ANO10: variants seen among roughly 807,000 people sequenced by gnomAD.
ANO10 encodes anoctamin 10.
A neutral mutation model predicts 74.7 loss-of-function variants in ANO10; 77 were observed. The observed-to-expected ratio is 1.03, with a 90% CI of 0.86 to 1.25. The LOEUF is 1.25. Among genes scored for constraint, ANO10 ranks in the 50% most tolerant of loss-of-function variants. The pLI, the probability that ANO10 is intolerant of heterozygous loss-of-function variation, is 0.00. For synonymous variants in ANO10, 279 were observed against 284.9 expected, an observed-to-expected ratio of 0.98 and a Z score of 0.21; for missense variants, 721 against 778.1, an observed-to-expected ratio of 0.93 and a Z score of 0.87.
At chr3:43,457,952 T>C (rs2075209957) in intron 11 of ANO10, among the ~76,000 whole-genome samples, 1 of 150,662 alleles carries the variant, frequency 6.6e-6, no homozygotes, top group Non-Finnish European at 1.5e-5. Context: ...CCCCCTACCC[T>C]GTTCCTATTC....
intron 1 of ANO10, among the ~76,000 whole-genome samples, chr3:43,663,209 T>C (rs1303630977): frequency 3.3e-5 from 5 of 152,316 alleles, no homozygotes; most frequent in Non-Finnish European, 7.3e-5. Flanking sequence ...CAAGTGGGCT[T>C]CATCCCTGGG....
chr3:43,503,880 A>AT (rs1160013404), intron 11 of ANO10, among the ~76,000 whole-genome samples: 33 of 150,534 alleles, frequency 2.2e-4, no homozygotes, highest in Admixed American at 4.0e-4. Flanking sequence ...CTGAGAGAGG[A>AT]TTTTTTTTTT....
chr3:43,396,063 AATTT>A (rs1012753428), intron 12 of ANO10, among the ~76,000 whole-genome samples: 3 of 151,082 alleles, frequency 2.0e-5, no homozygotes, highest in South Asian at 2.1e-4. Context: ...GCCTTTTATT[AATTT>A]ATTTATTTAT....
intron 12 of ANO10, among the ~76,000 whole-genome samples, chr3:43,399,916 A>C (rs964340039): frequency 6.6e-6 from 1 of 151,794 alleles, no homozygotes; most frequent in Non-Finnish European, 1.5e-5. Context: ...AATTTTCCTC[A>C]TTTTGGGGAA....
chr3:43,667,655 A>G (rs2084008174), intron 1 of ANO10, among the ~76,000 whole-genome samples: 2 of 152,084 alleles, frequency 1.3e-5, no homozygotes, highest in African/African-American at 4.8e-5. Context: ...TTGCATCCTC[A>G]TAGCTTAGCT....
intron 11 of ANO10, among the ~76,000 whole-genome samples, chr3:43,504,563 T>TAA (rs139835846): frequency 2.0e-5 from 3 of 151,788 alleles, no homozygotes; most frequent in Non-Finnish European, 2.9e-5. Flanking sequence ...TTACTGTTCA[T>TAA]AAAAAAAACA....
chr3:43,423,271 G>C (rs2092847467), intron 12 of ANO10, among the ~76,000 whole-genome samples: 1 of 152,122 alleles, frequency 6.6e-6, no homozygotes, highest in Non-Finnish European at 1.5e-5. Flanking sequence ...TCTATTTTAA[G>C]ACTCTTTTTT....
At chr3:43,561,966 C>T (rs1021155378) in intron 8 of ANO10, among the ~76,000 whole-genome samples, 10 of 152,060 alleles carry the variant, frequency 6.6e-5, no homozygotes, top group African/African-American at 2.4e-4. Flanking sequence ...TGGCTAAATT[C>T]TTTTTTAAAG....
chr3:43,444,524 C>T (rs1403333932), intron 11 of ANO10, among the ~76,000 whole-genome samples: 1 of 152,182 alleles, frequency 6.6e-6, no homozygotes, highest in East Asian at 1.9e-4. Flanking sequence ...AAAGTGATAT[C>T]TTAAGATTAT....
chr3:43,381,345 C>A (rs1325634877), intron 12 of ANO10, among the ~76,000 whole-genome samples: 1 of 152,112 alleles, frequency 6.6e-6, no homozygotes, highest in Admixed American at 6.5e-5. Context: ...TAAGAACTCA[C>A]ATAAACTTAA....
chr3:43,559,095 T>TA (rs1373220338), intron 9 of ANO10, among the ~76,000 whole-genome samples: 2 of 152,216 alleles, frequency 1.3e-5, no homozygotes, highest in Non-Finnish European at 2.9e-5. Context: ...ATTAATGACA[T>TA]AGAGCTTCAT....
chr3:43,404,354 A>G (rs1268842411), intron 12 of ANO10, among the ~76,000 whole-genome samples: 1 of 152,170 alleles, frequency 6.6e-6, no homozygotes, highest in Non-Finnish European at 1.5e-5. Flanking sequence ...TTAAGGCCAC[A>G]AGGAGATGAA....
intron 5 of ANO10, among the ~76,000 whole-genome samples, chr3:43,578,521 G>A (rs1205163551): frequency 7.2e-5 from 11 of 152,064 alleles, no homozygotes; most frequent in African/African-American, 1.9e-4. Flanking sequence ...AGGCCAAGGC[G>A]GGCGAATCAC....
At chr3:43,441,773 C>T (rs1043745215) in intron 11 of ANO10, among the ~76,000 whole-genome samples, 1 of 151,788 alleles carries the variant, frequency 6.6e-6, no homozygotes, top group Non-Finnish European at 1.5e-5. Flanking sequence ...ACTAGCAAAC[C>T]AAATTCAACA....
chr3:43,572,629 G>A (rs2080793050), intron 7 of ANO10, among the ~76,000 whole-genome samples: 2 of 152,120 alleles, frequency 1.3e-5, no homozygotes, highest in Non-Finnish European at 2.9e-5. Context: ...CAATCAAGGG[G>A]ATCCTGCCAC....
intron 12 of ANO10, among the ~76,000 whole-genome samples, chr3:43,431,068 T>G (rs1314561672): frequency 6.7e-6 from 1 of 149,490 alleles, no homozygotes; most frequent in Non-Finnish European, 1.5e-5. Flanking sequence ...AATCCTCTAA[T>G]TTTCTTTTCT....
At chr3:43,386,188 C>T (rs922846739) in intron 12 of ANO10, among the ~76,000 whole-genome samples, 1 of 152,084 alleles carries the variant, frequency 6.6e-6, no homozygotes, top group African/African-American at 2.4e-5. Context: ...AGTAGGAGAC[C>T]TGGTTTAAAT....
At chr3:43,461,388 C>G (rs1309949042) in intron 11 of ANO10, among the ~76,000 whole-genome samples, 1 of 152,076 alleles carries the variant, frequency 6.6e-6, no homozygotes, top group Non-Finnish European at 1.5e-5. Context: ...TCTTCTCAGG[C>G]CCAGACAGTT....
intron 11 of ANO10, among the ~76,000 whole-genome samples, chr3:43,543,979 CAATT>C (rs1279483786): frequency 4.6e-5 from 7 of 151,942 alleles, no homozygotes; most frequent in Non-Finnish European, 7.4e-5. Context: ...TTAAAACTGT[CAATT>C]AATTTAGAAT....
Sources: gnomAD v4.1 joint callset for allele counts (sites outside exome capture counted in the v4.1 genomes callset) on GRCh38, gnomAD v4.1.1 for gene constraint, MANE v1.5 for transcripts, NCBI Gene and HGNC (gene_info 2026-07-23, HGNC 2026-07-21) for gene names.